Variants in HAO2 observed in about 807,000 individuals in gnomAD.
HAO2 encodes 2-Hydroxyacid oxidase 2.
A neutral mutation model predicts 37.4 loss-of-function variants in HAO2; 42 were observed. That is an observed-to-expected ratio of 1.12 (90% CI 0.88 to 1.45). The LOEUF (loss-of-function observed/expected upper bound fraction) is 1.45. Among genes scored for constraint, HAO2 ranks in the 40% most tolerant of loss-of-function variants. The probability of loss-of-function intolerance (pLI) is 0.00; values close to 1 mark genes in which losing one functional copy is unlikely to be tolerated. For missense variants in HAO2, 476 were observed against 430.2 expected (o/e 1.11, Z -0.94); for synonymous variants, 180 against 162.8 (o/e 1.11, Z -0.81).
chr1:119,370,465 C>T (rs1345677210), intron 1 of HAO2: 1 of 152,194 alleles, frequency 6.6e-6, no homozygotes, highest in Non-Finnish European at 1.5e-5. Flanking sequence ...GAACATGGAG[C>T]TGCCTTTATT....
chr1:119,391,596 G>A (rs1307812247), intron 5 of HAO2, among the ~76,000 whole-genome samples: 5 of 152,146 alleles, frequency 3.3e-5, no homozygotes, highest in African/African-American at 9.7e-5. Context: ...GGACAAGTTG[G>A]TCAAGTGGTG....
chr1:119,373,157 A>T (rs984493930), intron 1 of HAO2, among the ~76,000 whole-genome samples: 1 of 152,198 alleles, frequency 6.6e-6, no homozygotes, highest in African/African-American at 2.4e-5. Context: ...TGACTGGATG[A>T]AGCAAAAGTT....
intron 3 of HAO2, among the ~76,000 whole-genome samples, chr1:119,384,229 A>T (rs1467506669): frequency 6.6e-6 from 1 of 152,212 alleles, no homozygotes. Context: ...CTAGTATCTT[A>T]TTCAGTCTCC....
In HAO2 at chr1:119,386,849, A is replaced by G. The variant is rs1437228740; in HGVS notation, c.771+18A>G. ...TTGCTTCAGTAAGTAGGATTACTTCAGAGAAGGGTGTGTTTGTGAGTGCTG... is the reference window on the plus strand; with the variant it reads ...TTGCTTCAGTAAGTAGGATTACTTCGGAGAAGGGTGTGTTTGTGAGTGCTG... On this transcript the variant is annotated intron_variant, in intron 5 of 7. Coordinates refer to ENST00000325945, the MANE Select transcript of HAO2 (RefSeq NM_016527.4). The G allele has an allele frequency of 1.3e-6, 2 of 1,516,190 alleles. No individual in the cohort carries two copies. Among genetic ancestry groups the G allele is most frequent in the Non-Finnish European group, 1.8e-6 (2 of 1,090,742 alleles). 93.9% of individuals were successfully genotyped at this position (1,516,190 alleles called of 1,614,324 possible).
intron 1 of HAO2, among the ~76,000 whole-genome samples, chr1:119,376,631 T>C (rs1391730669): frequency 1.3e-5 from 2 of 152,236 alleles, no homozygotes; most frequent in African/African-American, 4.8e-5. Context: ...TCTGCCCCTT[T>C]AAGCAGATTT....
At chr1:119,371,544 C>T (rs2101162282) in intron 1 of HAO2, among the ~76,000 whole-genome samples, 1 of 152,240 alleles carries the variant, frequency 6.6e-6, no homozygotes, top group African/African-American at 2.4e-5. Flanking sequence ...TCTGTCATTC[C>T]ATAAACCACA....
chr1:119,387,741 A>C (rs957734113), intron 5 of HAO2, among the ~76,000 whole-genome samples: 1 of 152,208 alleles, frequency 6.6e-6, no homozygotes, highest in Non-Finnish European at 1.5e-5. Flanking sequence ...TGTAGTATGA[A>C]CAGACAACTA....
chr1:119,390,408 C>G (rs376044234), intron 5 of HAO2, among the ~76,000 whole-genome samples: 3 of 152,132 alleles, frequency 2.0e-5, no homozygotes, highest in Admixed American at 6.6e-5. Flanking sequence ...CTGGCCACCA[C>G]GCCTGGTTAT....
At chr1:119,387,764 C>T (rs1051673797) in intron 5 of HAO2, among the ~76,000 whole-genome samples, 2 of 152,158 alleles carry the variant, frequency 1.3e-5, no homozygotes, top group Non-Finnish European at 2.9e-5. Flanking sequence ...TAACCAACCT[C>T]CATTGTAGAA....
chr1:119,390,395 G>T (rs1392634652), intron 5 of HAO2, among the ~76,000 whole-genome samples: 1 of 152,108 alleles, frequency 6.6e-6, no homozygotes, highest in Non-Finnish European at 1.5e-5. Flanking sequence ...GGGATTACAG[G>T]CACTGGCCAC....
Position 119,392,164 on chromosome 1 carries a change from C to T in HAO2, c.826C>T (p.Leu276=), listed in dbSNP as rs1650963624. ...AAVKGKIEVY[L]DGGVRTGNDV... is the part of the protein sequence containing the mutation. ...TGTAAAGGGGAAAATTGAAGTCTAC[C>T]TGGATGGCGGGGTCCGAACTGGCAA... The change falls in exon 6 of 8, where the codon CTG becomes TTG. Residue 276 remains leucine, a synonymous_variant. Coordinates refer to ENST00000325945, the MANE Select transcript of HAO2 (RefSeq NM_016527.4). 6.2e-7 allele frequency: 1 copy of T among 1,613,232 alleles called. No individual in the cohort carries two copies. Among genetic ancestry groups the T allele is most frequent in the Non-Finnish European group, 8.5e-7 (1 of 1,179,372 alleles).
chr1:119,388,241 A>G (rs1000448735), intron 5 of HAO2, among the ~76,000 whole-genome samples: 1 of 152,202 alleles, frequency 6.6e-6, no homozygotes. Flanking sequence ...CTATGCCTAA[A>G]TAGGAGCAGA....
At chr1:119,372,325 A>T (rs1649099303) in intron 1 of HAO2, among the ~76,000 whole-genome samples, 1 of 152,248 alleles carries the variant, frequency 6.6e-6, no homozygotes, top group Admixed American at 6.5e-5. Flanking sequence ...TAAGTAAGAA[A>T]TGTTAAGATG....
chr1:119,385,653 C>T, intron 4 of HAO2: 1 of 985,188 alleles, frequency 1.0e-6, no homozygotes, highest in Non-Finnish European at 1.2e-6. Context: ...CCATTAAAAT[C>T]CTACAATTAA....
Position 119,394,081 on chromosome 1 carries a change from C to CA in HAO2, c.*241_*242insA. 1 of 1,302,062 alleles carries CA rather than the reference C, an allele frequency of 7.7e-7. No homozygotes were observed. 80.7% of individuals were successfully genotyped at this position (1,302,062 alleles called of 1,614,324 possible). ...TTATATGTTGCTCTCTTGCCTAAAT[C>CA]TTCCTCTGAAGTAAAAGATCTCAAA... On this transcript the variant is annotated 3_prime_UTR_variant, in exon 8 of 8. Transcript: ENST00000325945.
At chr1:119,382,860 C>T in intron 2 of HAO2, 55 bp from the exon 3 acceptor site, 1 of 1,562,562 alleles carries the variant, frequency 6.4e-7, no homozygotes, top group African/African-American at 1.3e-5. Flanking sequence ...CAGACAACGC[C>T]TCCCTGCTGC....
At chr1:119,376,851 G>A (rs61275924) in intron 1 of HAO2, among the ~76,000 whole-genome samples, 5,223 of 152,250 alleles carry the variant, frequency 0.034, 280 homozygotes, top group African/African-American at 0.12. Flanking sequence ...TCCTGAGACT[G>A]CACAAAGCAG....
At position 119,394,086 on chromosome 1, in the gene HAO2, T is replaced by G. The variant is rs1472432711; in HGVS notation, c.*246T>G. 7.8e-7 allele frequency: 1 copy of G among 1,287,136 alleles called. No homozygotes were observed. The highest frequency in any genetic ancestry group is 1.0e-6 in the Non-Finnish European group (1 of 1,002,206). The allele number at this position is 1,287,136 out of a possible 1,614,324, so 79.7% of individuals were successfully genotyped here. ...TGTTGCTCTCTTGCCTAAATCTTCC[T>G]CTGAAGTAAAAGATCTCAAAAGGAC... On this transcript the variant is annotated 3_prime_UTR_variant, in exon 8 of 8. Transcript: ENST00000325945.
In HAO2 at chr1:119,391,200, G is replaced by A. The variant is rs142291104; in HGVS notation, c.772-910G>A. On this transcript the variant is annotated intron_variant, in intron 5 of 7. Coordinates refer to ENST00000325945, the MANE Select transcript of HAO2 (RefSeq NM_016527.4). The stretch of plus-strand genomic sequence containing the variant: ...GGTAGAATGCTAATGGATTCCTTTG[G>A]CAGCAGAAGGCCTCATAGGGCCCAG... Among the ~76,000 whole-genome samples the A allele has an allele frequency of 8.5e-5, 13 of 152,170 alleles. No homozygotes were observed. In the East Asian group the frequency reaches 1.7e-3, roughly 20 times the overall value.
Sources: gnomAD v4.1 joint callset for allele counts (sites outside exome capture counted in the v4.1 genomes callset) on GRCh38, gnomAD v4.1.1 for gene constraint, MANE v1.5 for transcripts, NCBI Gene and HGNC (gene_info 2026-07-23, HGNC 2026-07-21) for gene names.